Variants in EBF1 observed in about 807,000 individuals in gnomAD.
EBF1 encodes the protein transcription factor COE1.
Under a neutral mutation model 68.4 loss-of-function variants are expected in EBF1, and 10 were observed. The observed-to-expected ratio is 0.15, with a 90% confidence interval of 0.09 to 0.25. The LOEUF (loss-of-function observed/expected upper bound fraction) is 0.25. Ranked by LOEUF, EBF1 falls within the 10% of genes least tolerant of loss-of-function variation. The pLI is 1.00. For synonymous variants in EBF1, 298 were observed against 299.8 expected (o/e 0.99, Z 0.06); for missense variants, 509 against 794.4 (o/e 0.64, Z 4.32).
intron 14 of EBF1, among the ~76,000 whole-genome samples, 195 bp downstream of exon 14, chr5:158,711,959 G>A (rs1422520625): frequency 1.3e-5 from 2 of 152,214 alleles, no homozygotes; most frequent in African/African-American, 4.8e-5. Context: ...TTGTAGGAAG[G>A]AAGGTGAGCA....
At chr5:158,720,624 G>T (rs1355564731) in intron 11 of EBF1, among the ~76,000 whole-genome samples, 2 of 152,036 alleles carry the variant, frequency 1.3e-5, no homozygotes, top group Non-Finnish European at 2.9e-5. Context: ...AGAGCTTAGT[G>T]CAGATCATTA....
intron 6 of EBF1, among the ~76,000 whole-genome samples, chr5:158,967,459 C>G (rs1404208648): frequency 6.6e-6 from 1 of 152,158 alleles, no homozygotes; most frequent in African/African-American, 2.4e-5. Flanking sequence ...GTGCTACTCC[C>G]ATACCCACCT....
In EBF1 at chr5:158,869,578, A is replaced by AACAC. The variant is rs3035120; in HGVS notation, c.555-29472_555-29469dup. On this transcript the variant is annotated intron_variant, in intron 6 of 15. Transcript: ENST00000313708. ...TCCCTAATTGGCCCAGATCCTAATA[A>AACAC]ACACACACACACACACACACACACA... Among the ~76,000 whole-genome samples, 690 of 145,278 alleles carry AACAC rather than the reference A, an allele frequency of 4.7e-3. 3 individuals are homozygous for AACAC. The highest frequency in any genetic ancestry group is 7.2e-3 in the African/African-American group (282 of 38,944).
intron 6 of EBF1, among the ~76,000 whole-genome samples, chr5:158,863,844 T>A (rs1165809229): frequency 6.6e-6 from 1 of 152,118 alleles, no homozygotes; most frequent in Non-Finnish European, 1.5e-5. Context: ...TTTACGTAAA[T>A]GATGCCAAAG....
intron 11 of EBF1, among the ~76,000 whole-genome samples, chr5:158,717,358 T>C (rs765853065): frequency 3.9e-5 from 6 of 152,236 alleles, no homozygotes; most frequent in African/African-American, 7.2e-5. Context: ...GGATGTTTCA[T>C]ATAATCTTTT....
chr5:158,906,422 A>G (rs1444604656), intron 6 of EBF1, among the ~76,000 whole-genome samples: 2 of 152,116 alleles, frequency 1.3e-5, no homozygotes, highest in African/African-American at 4.8e-5. Context: ...TACAAAAACA[A>G]CTCAAAATTC....
intron 6 of EBF1, among the ~76,000 whole-genome samples, chr5:158,958,246 G>A (rs1199579299): frequency 6.6e-6 from 1 of 152,186 alleles, no homozygotes; most frequent in Non-Finnish European, 1.5e-5. Flanking sequence ...AGAACAGCAT[G>A]ATTGCTTCAT....
At chr5:158,946,304 C>T (rs1206662611) in intron 6 of EBF1, among the ~76,000 whole-genome samples, 1 of 152,160 alleles carries the variant, frequency 6.6e-6, no homozygotes, top group African/African-American at 2.4e-5. Context: ...ACTGGTTTTT[C>T]CTCATCTTCA....
chr5:158,861,691 T>G (rs1794985022), intron 6 of EBF1, among the ~76,000 whole-genome samples: 1 of 152,216 alleles, frequency 6.6e-6, no homozygotes, highest in African/African-American at 2.4e-5. Context: ...TTAGTTTGAC[T>G]TTAGCAGTTC....
intron 6 of EBF1, among the ~76,000 whole-genome samples, chr5:158,855,601 A>G (rs576174458): frequency 1.3e-5 from 2 of 152,296 alleles, no homozygotes; most frequent in South Asian, 4.1e-4. Flanking sequence ...GTCTTCCTGT[A>G]TCCTACCTCA....
chr5:158,796,076 T>A (rs988925924), intron 9 of EBF1, among the ~76,000 whole-genome samples: 1 of 152,086 alleles, frequency 6.6e-6, no homozygotes, highest in Non-Finnish European at 1.5e-5. Context: ...CAATAGGACC[T>A]CCACACCATG....
intron 6 of EBF1, among the ~76,000 whole-genome samples, chr5:158,942,387 A>G (rs4921120): frequency 0.54 from 82,341 of 152,080 alleles, 22,821 homozygotes; most frequent in South Asian, 0.74. Context: ...TGGGCAAGTT[A>G]CTTCAGCTAT....
chr5:158,813,957 T>C (rs1295236238), intron 8 of EBF1, among the ~76,000 whole-genome samples: 1 of 152,160 alleles, frequency 6.6e-6, no homozygotes, highest in African/African-American at 2.4e-5. Flanking sequence ...GACAGATAAG[T>C]ATAGAGACAG....
intron 6 of EBF1, among the ~76,000 whole-genome samples, chr5:158,903,539 G>T (rs1286573527): frequency 6.6e-6 from 1 of 152,012 alleles, no homozygotes; most frequent in Non-Finnish European, 1.5e-5. Context: ...CAATGGGCAG[G>T]TCTTAGGCTG....
At chr5:158,775,826 ACACT>A (rs1349137896) in intron 10 of EBF1, among the ~76,000 whole-genome samples, 1 of 140,900 alleles carries the variant, frequency 7.1e-6, no homozygotes, top group Non-Finnish European at 1.6e-5. Flanking sequence ...ACACACACAC[ACACT>A]GCTATGTGGA....
chr5:159,076,263 T>A (rs1396522563), intron 5 of EBF1, among the ~76,000 whole-genome samples: 1 of 152,174 alleles, frequency 6.6e-6, no homozygotes, highest in Non-Finnish European at 1.5e-5. Flanking sequence ...TGAATAATTT[T>A]ATGAATGAAT....
chr5:159,001,959 A>G (rs1762626052), intron 6 of EBF1, among the ~76,000 whole-genome samples: 2 of 152,110 alleles, frequency 1.3e-5, no homozygotes, highest in Non-Finnish European at 2.9e-5. Context: ...GCGTGCACGC[A>G]TGTGTGTATG....
chr5:158,891,692 G>A (rs889769644), intron 6 of EBF1, among the ~76,000 whole-genome samples: 10 of 152,068 alleles, frequency 6.6e-5, no homozygotes, highest in Admixed American at 2.0e-4. Context: ...TTACGCATAC[G>A]TATGTGTGTG....
intron 6 of EBF1, among the ~76,000 whole-genome samples, chr5:158,978,712 C>T (rs1007830100): frequency 6.6e-6 from 1 of 150,864 alleles, no homozygotes; most frequent in Non-Finnish European, 1.5e-5. Context: ...GCTTAATAGG[C>T]TTGATTAAGG....
Sources: allele counts gnomAD v4.1 joint callset (sites outside exome capture counted in the v4.1 genomes callset), GRCh38; gene constraint gnomAD v4.1.1; transcripts MANE v1.5; gene names NCBI Gene and HGNC (gene_info 2026-07-23, HGNC 2026-07-21).